GSDME: variants seen among roughly 807,000 people sequenced by gnomAD.
GSDME encodes gasdermin-E.
GSDME carries 44 observed loss-of-function variants against 47.5 expected under a neutral mutation model. The ratio of observed to expected loss-of-function variants is 0.93; its 90% CI spans 0.73 to 1.19. GSDME has a LOEUF of 1.19. Ranked by LOEUF, GSDME falls within the 50% of genes most tolerant of loss-of-function variation. The probability of loss-of-function intolerance (pLI) is 0.00; values close to 1 mark genes in which losing one functional copy is unlikely to be tolerated. For synonymous variants in GSDME, 258 were observed against 252.8 expected (o/e 1.02, Z -0.20); for missense variants, 663 against 604.2 (o/e 1.10, Z -1.02).
At chr7:24,781,871 G>A in the GSDME span, among the ~76,000 whole-genome samples, 1 of 151,998 alleles carries the variant, frequency 6.6e-6, no homozygotes, top group Non-Finnish European at 1.5e-5. Flanking sequence ...AGCCTACCAA[G>A]TAGTTGGAAC....
At position 24,715,681 on chromosome 7, in the gene GSDME, T is replaced by C. The variant is rs1267538938; in HGVS notation, c.697+1573A>G. 2.8e-5 allele frequency: 9 copies of C among 319,434 alleles called. No individual in the cohort carries two copies. In the East Asian group the frequency reaches 8.9e-4, roughly 32 times the overall value. 19.8% of individuals were successfully genotyped at this position (319,434 alleles called of 1,614,324 possible). ...TGATGCACTTTTTTTGGAAGACAAG[T>C]CTTTTCAAAGAGAAAGATGACAATA... On this transcript the variant is annotated intron_variant, in intron 5 of 9. Transcript: ENST00000645220.
chr7:24,712,758 C>T lies in GSDME; in HGVS notation c.698-2370G>A, dbSNP rs1789404591. Among the ~76,000 whole-genome samples the T allele has an allele frequency of 6.6e-6, 1 of 152,214 alleles. No individual in the cohort carries two copies. The highest frequency in any genetic ancestry group is 1.5e-5 in the Non-Finnish European group (1 of 68,044). On this transcript the variant is annotated intron_variant, in intron 5 of 9. Transcript: ENST00000645220. This position sits in a 1 kb window ranked among gnomAD's most constrained non-coding sequence, Gnocchi z 4.4. ...GAGAGGCCAGGCACGGTGGCTCACA[C>T]CTATAATCCTAACACTTTGGGAGGT...
rs189668770 is a variant in GSDME, at chr7:24,737,127, G to T, written c.404+7435C>A. ...AAATCAAGATCAAACCAAATCCAAA[G>T]CTAGTGGAAGAAAAGAAATAATAAA... is the stretch of plus-strand genomic sequence containing the variant. On this transcript the variant is annotated intron_variant, in intron 3 of 9. Coordinates refer to ENST00000645220, the MANE Select transcript of GSDME (RefSeq NM_001127453.2). Among the ~76,000 whole-genome samples, 497 of 151,948 alleles carry T rather than the reference G, an allele frequency of 3.3e-3. 13 individuals carry two copies. The highest frequency in any genetic ancestry group is 0.03 in the Admixed American group (463 of 15,270).
chr7:24,725,224 G>A lies in GSDME; in HGVS notation c.405-6006C>T, dbSNP rs2128056025. ...CTTAGTTTGCACATCTGTAAACTGA[G>A]AATTTGCTATGAGGGTTACGTTCAG... On this transcript the variant is annotated intron_variant, in intron 3 of 9. Transcript: ENST00000645220. This position sits in a 1 kb window ranked among gnomAD's most constrained non-coding sequence, Gnocchi z 5.1. Among the ~76,000 whole-genome samples the A allele has an allele frequency of 6.6e-6, 1 of 152,338 alleles. No homozygotes were observed.
chr7:24,763,972 C>T, the GSDME span, among the ~76,000 whole-genome samples: 1 of 152,126 alleles, frequency 6.6e-6, no homozygotes, highest in South Asian at 2.1e-4. The surrounding 1 kb of genome is among the most constrained non-coding windows in gnomAD (Gnocchi z 4.3). Context: ...TTTTTTAAAA[C>T]GAGCCGTTCT....
rs1790513966 is a variant in GSDME at position 24,742,189 on chromosome 7, A to C, written c.404+2373T>G. Among the ~76,000 whole-genome samples, 1 of 152,074 alleles carries C rather than the reference A, an allele frequency of 6.6e-6. No homozygotes were observed. The highest frequency in any genetic ancestry group is 2.4e-5 in the African/African-American group (1 of 41,378). ...CACCCACCAAGTATCCTCCCTAGGG[A>C]CGCGGGTTCATGCCTCGGCCTTAAC... On this transcript the variant is annotated intron_variant, in intron 3 of 9. Coordinates refer to ENST00000645220, the MANE Select transcript of GSDME (RefSeq NM_001127453.2). This position sits in a 1 kb window ranked among gnomAD's most constrained non-coding sequence, Gnocchi z 4.4.
the GSDME span, among the ~76,000 whole-genome samples, chr7:24,780,734 T>G: frequency 6.6e-6 from 1 of 152,346 alleles, no homozygotes; most frequent in East Asian, 1.9e-4. This position sits in a 1 kb window ranked among gnomAD's most constrained non-coding sequence, Gnocchi z 4.1. Context: ...CCAGAGAGCA[T>G]GAACTCCGCA....
At chr7:24,746,823 A>C (rs1228831197) in intron 2 of GSDME, among the ~76,000 whole-genome samples, 5 of 152,224 alleles carry the variant, frequency 3.3e-5, no homozygotes, top group Non-Finnish European at 7.3e-5. Flanking sequence ...TTGGACTGCC[A>C]ACACCAGTCA....
At chr7:24,723,568 A>G (rs1789867482) in intron 3 of GSDME, among the ~76,000 whole-genome samples, 1 of 152,226 alleles carries the variant, frequency 6.6e-6, no homozygotes, top group African/African-American at 2.4e-5. Flanking sequence ...AGAGTTCATG[A>G]AACAAAACAT....
Position 24,733,787 on chromosome 7 carries a change from G to C in GSDME, c.404+10775C>G, listed in dbSNP as rs1254635838. 6.6e-6 allele frequency among the ~76,000 whole-genome samples: 1 copy of C among 152,138 alleles called. No individual in the cohort carries two copies. The highest frequency in any genetic ancestry group is 1.9e-4 in the East Asian group (1 of 5,186). On this transcript the variant is annotated intron_variant, in intron 3 of 9. Coordinates refer to ENST00000645220, the MANE Select transcript of GSDME (RefSeq NM_001127453.2). This position sits in a 1 kb window ranked among gnomAD's most constrained non-coding sequence, Gnocchi z 4.3. ...AGTAGAGCACCACATAGATTTCTAA[G>C]GTTTCCAACTCGAGGCCCTGACTCC...
chr7:24,779,380 G>A, the GSDME span, among the ~76,000 whole-genome samples: 3 of 152,130 alleles, frequency 2.0e-5, no homozygotes, highest in Non-Finnish European at 4.4e-5. This position sits in a 1 kb window ranked among gnomAD's most constrained non-coding sequence, Gnocchi z 6.0. Context: ...AAGTGGGTGG[G>A]TTCCTGAATA....
At chr7:24,766,980 T>C in the GSDME span, among the ~76,000 whole-genome samples, 1 of 152,218 alleles carries the variant, frequency 6.6e-6, no homozygotes, top group Non-Finnish European at 1.5e-5. This position sits in a 1 kb window ranked among gnomAD's most constrained non-coding sequence, Gnocchi z 4.2. Context: ...TTCCTGATTT[T>C]TTAATGATCG....
Position 24,705,400 on chromosome 7 carries a change from T to TG in GSDME, c.1183+783dup, listed in dbSNP as rs1789053580. On this transcript the variant is annotated intron_variant, in intron 8 of 9. Coordinates refer to ENST00000645220, the MANE Select transcript of GSDME (RefSeq NM_001127453.2). The surrounding 1 kb of genome is among the most constrained non-coding windows in gnomAD (Gnocchi z 4.1). ...TAATTCTTTAAAAACTGAAGATTAC[T>TG]GGGTCTGTTTCTGTGTGGTGCTAGG... 1 of 152,542 alleles carries TG rather than the reference T, an allele frequency of 6.6e-6. No homozygotes were observed. Among genetic ancestry groups the TG allele is most frequent in the Admixed American group, 6.5e-5 (1 of 15,306 alleles). The allele number at this position is 152,542 out of a possible 1,614,324, so 9.4% of individuals were successfully genotyped here.
At position 24,744,871 on chromosome 7, in the gene GSDME, G is replaced by A. The variant is rs562145638; in HGVS notation, c.212-117C>T. 6 of 1,086,964 alleles carry A rather than the reference G, an allele frequency of 5.5e-6. No homozygotes were observed. The Admixed American group carries it at 5.9e-5, about 11-fold the overall frequency. The allele number at this position is 1,086,964 out of a possible 1,614,324, so 67.3% of individuals were successfully genotyped here. ...CCGGAAAGCAGAAGGCTGGCACTCA[G>A]ATGGAAAGCCGGCAGCCATGCTGTG... On this transcript the variant is annotated intron_variant, in intron 2 of 9. Coordinates refer to ENST00000645220, the MANE Select transcript of GSDME (RefSeq NM_001127453.2). The surrounding 1 kb of genome is among the most constrained non-coding windows in gnomAD (Gnocchi z 4.5).
the GSDME span, among the ~76,000 whole-genome samples, chr7:24,783,417 C>T: frequency 7.9e-5 from 12 of 152,110 alleles, no homozygotes; most frequent in Non-Finnish European, 1.3e-4. Context: ...CAGCAACCAG[C>T]GATCCCCACA....
rs935805369 is a variant in GSDME at position 24,742,010 on chromosome 7, G to T, written c.404+2552C>A. 1.3e-5 allele frequency among the ~76,000 whole-genome samples: 2 copies of T among 151,956 alleles called. No individual in the cohort carries two copies. The highest frequency in any genetic ancestry group is 2.4e-5 in the African/African-American group (1 of 41,332). ...ATTTATTCTTTATCATGCTTCTGGT[G>T]GCACCACTCCCCAGGGCATCCCTTC... On this transcript the variant is annotated intron_variant, in intron 3 of 9. Transcript: ENST00000645220. This position sits in a 1 kb window ranked among gnomAD's most constrained non-coding sequence, Gnocchi z 4.4.
chr7:24,783,682 C>A, the GSDME span, among the ~76,000 whole-genome samples: 5 of 151,956 alleles, frequency 3.3e-5, no homozygotes, highest in Non-Finnish European at 7.4e-5. Flanking sequence ...GACAGGGGCT[C>A]CATTCTAAGA....
intron 9 of GSDME, chr7:24,702,524 G>A (rs913053347): frequency 1.5e-5 from 7 of 455,108 alleles, no homozygotes; most frequent in Admixed American, 2.8e-5. Context: ...GAAAGACAAG[G>A]ATGAAGTCCT....
chr7:24,708,079 C>G, intron 7 of GSDME, 48 bp downstream of exon 7: 2 of 1,611,074 alleles, frequency 1.2e-6, no homozygotes, highest in South Asian at 2.2e-5. Flanking sequence ...CTCCCCTGTT[C>G]CAGAAAACCC....
Sources: gnomAD v4.1 joint callset for allele counts (sites outside exome capture counted in the v4.1 genomes callset) on GRCh38, gnomAD v4.1.1 for gene constraint, Gnocchi (gnomAD v3.1) non-coding constraint, MANE v1.5 for transcripts, NCBI Gene and HGNC (gene_info 2026-07-23, HGNC 2026-07-21) for gene names.